COA1: variants seen among roughly 807,000 people sequenced by gnomAD.
COA1 encodes cytochrome c oxidase assembly factor 1.
In COA1, 13 loss-of-function variants were observed where a neutral mutation model predicts 16.0. The ratio of observed to expected loss-of-function variants is 0.81; its 90% confidence interval spans 0.53 to 1.29. COA1 has a LOEUF of 1.29. COA1 is among the 50% of genes most tolerant of loss of function. The probability of loss-of-function intolerance (pLI) is 0.00; values close to 1 mark genes in which losing one functional copy is unlikely to be tolerated. For synonymous variants in COA1, 65 were observed against 65.7 expected (o/e 0.99, Z 0.05); for missense variants, 179 against 177.0 (o/e 1.01, Z -0.06).
At chr7:43,647,475 TGGA>T (rs143305109) in intron 3 of COA1, 57 bp downstream of exon 3, 195,742 of 1,089,986 alleles carry the variant, frequency 0.18, 19,822 homozygotes, top group Non-Finnish European at 0.21. Context: ...TTTCCTCTGA[TGGA>T]GGAGCAGGAG....
At chr7:43,707,875 A>G (rs1203821208) in intron 1 of COA1, among the ~76,000 whole-genome samples, 5 of 152,246 alleles carry the variant, frequency 3.3e-5, no homozygotes, top group Non-Finnish European at 7.3e-5. Context: ...TTTCTGTGGA[A>G]GTAAAATTAC....
intron 4 of COA1, 117 bp from the exon 5 acceptor site, chr7:43,640,766 G>T: frequency 1.4e-6 from 1 of 713,390 alleles, no homozygotes; most frequent in Non-Finnish European, 2.2e-6. Context: ...ATTCTCCACA[G>T]AAGTGAGTTC....
intron 1 of COA1, among the ~76,000 whole-genome samples, chr7:43,684,593 A>T (rs1418569682): frequency 6.6e-6 from 1 of 152,194 alleles, no homozygotes; most frequent in Non-Finnish European, 1.5e-5. Context: ...TGCAAATTCA[A>T]GAGGAAAGGA....
intron 1 of COA1, among the ~76,000 whole-genome samples, chr7:43,715,967 T>C (rs2095384555): frequency 6.6e-6 from 1 of 152,180 alleles, no homozygotes; most frequent in Admixed American, 6.5e-5. Context: ...CATTCTCTCT[T>C]TGCCTGCTGC....
intron 1 of COA1, among the ~76,000 whole-genome samples, chr7:43,718,067 C>T (rs1421245669): frequency 6.6e-6 from 1 of 152,186 alleles, no homozygotes; most frequent in Admixed American, 6.5e-5. Context: ...AGTGTGAAAA[C>T]GGACTAATAT....
chr7:43,616,981 A>G (rs1424839024), intron 6 of COA1, among the ~76,000 whole-genome samples: 1 of 152,218 alleles, frequency 6.6e-6, no homozygotes, highest in Non-Finnish European at 1.5e-5. Flanking sequence ...AATCTGCTTC[A>G]CTACCATCTT....
intron 1 of COA1, among the ~76,000 whole-genome samples, chr7:43,688,331 C>A (rs1246243967): frequency 1.3e-5 from 2 of 149,776 alleles, no homozygotes; most frequent in African/African-American, 2.4e-5. Context: ...GATTCAAATA[C>A]AACTTGAATA....
intron 6 of COA1, among the ~76,000 whole-genome samples, chr7:43,616,332 AAT>A (rs1264827255): frequency 2.6e-5 from 4 of 152,164 alleles, no homozygotes; most frequent in African/African-American, 9.7e-5. Context: ...TCTTATTGCT[AAT>A]ATTTATACTA....
intron 1 of COA1, among the ~76,000 whole-genome samples, chr7:43,661,877 A>T (rs1449457822): frequency 6.6e-6 from 1 of 152,264 alleles, no homozygotes; most frequent in Non-Finnish European, 1.5e-5. Flanking sequence ...GGCTAATGAG[A>T]TTCATGGTGA....
At chr7:43,707,674 G>A (rs1166573843) in intron 1 of COA1, among the ~76,000 whole-genome samples, 2 of 152,044 alleles carry the variant, frequency 1.3e-5, no homozygotes, top group Admixed American at 6.5e-5. Flanking sequence ...ATGTTTTTAA[G>A]GTTCATCCAT....
intron 1 of COA1, among the ~76,000 whole-genome samples, chr7:43,655,037 A>C (rs1393782843): frequency 6.6e-6 from 1 of 152,260 alleles, no homozygotes; most frequent in Non-Finnish European, 1.5e-5. Context: ...ATTGAAAAAA[A>C]ATCCAAATTC....
chr7:43,697,011 C>G (rs1401006867), intron 1 of COA1, among the ~76,000 whole-genome samples: 1 of 151,930 alleles, frequency 6.6e-6, no homozygotes, highest in African/African-American at 2.4e-5. Context: ...GTAGTCCCAG[C>G]TACTCGGGAG....
At chr7:43,625,734 T>C (rs1583852337) in intron 6 of COA1, 1 of 139,564 alleles carries the variant, frequency 7.2e-6, no homozygotes, top group East Asian at 2.0e-4. Flanking sequence ...TGTCCCAAAG[T>C]GAGTAAAATC....
At chr7:43,633,652 G>A (rs1429242794) in intron 6 of COA1, among the ~76,000 whole-genome samples, 1 of 152,152 alleles carries the variant, frequency 6.6e-6, no homozygotes, top group East Asian at 1.9e-4. Context: ...TGAAAAAGTG[G>A]CACCAAAAGA....
intron 1 of COA1, among the ~76,000 whole-genome samples, chr7:43,662,167 A>G (rs1239181437): frequency 6.6e-6 from 1 of 152,240 alleles, no homozygotes; most frequent in Non-Finnish European, 1.5e-5. Flanking sequence ...TAACATGAAA[A>G]AGCTATGAAC....
At chr7:43,695,344 G>A (rs1404125368) in intron 1 of COA1, among the ~76,000 whole-genome samples, 1 of 151,900 alleles carries the variant, frequency 6.6e-6, no homozygotes, top group Non-Finnish European at 1.5e-5. Context: ...CTCTAATCCA[G>A]TCACACTGAT....
At chr7:43,637,240 A>C (rs1362207497), downstream of COA1, among the ~76,000 whole-genome samples, 4 of 152,146 alleles carry the variant, frequency 2.6e-5, no homozygotes, top group Non-Finnish European at 5.9e-5. Flanking sequence ...GCACAGTATT[A>C]TAATACTCTC....
At chr7:43,676,490 G>C (rs980306557) in intron 1 of COA1, among the ~76,000 whole-genome samples, 7 of 152,082 alleles carry the variant, frequency 4.6e-5, no homozygotes, top group African/African-American at 1.7e-4. Context: ...CAATAGGCTA[G>C]GACAGAAAGT....
At chr7:43,715,140 C>A (rs1300123004) in intron 1 of COA1, among the ~76,000 whole-genome samples, 1 of 151,846 alleles carries the variant, frequency 6.6e-6, no homozygotes, top group East Asian at 1.9e-4. Flanking sequence ...TTGAAACACA[C>A]CAAGTATTAC....
Sources: allele counts gnomAD v4.1 joint callset (sites outside exome capture counted in the v4.1 genomes callset), GRCh38; gene constraint gnomAD v4.1.1; transcripts MANE v1.5; gene names NCBI Gene and HGNC (gene_info 2026-07-23, HGNC 2026-07-21).